Variants in MINDY3 observed in about 807,000 individuals in gnomAD.
MINDY3 encodes the protein ubiquitin carboxyl-terminal hydrolase MINDY-3.
A neutral mutation model predicts 69.2 loss-of-function variants in MINDY3; 38 were observed. That is an observed-to-expected ratio of 0.55 (90% confidence interval 0.42 to 0.72). The LOEUF (loss-of-function observed/expected upper bound fraction) is 0.72. Among genes scored for constraint, MINDY3 ranks in the 30% least tolerant of loss-of-function variants. MINDY3 has a pLI of 0.00. For missense variants in MINDY3, 522 were observed against 519.0 expected (o/e 1.01, Z -0.06); for synonymous variants, 192 against 180.1 (o/e 1.07, Z -0.53).
rs1445301117 is a variant in MINDY3 at position 15,848,665 on chromosome 10, AAG to A, written c.95-724_95-723del. The stretch of plus-strand genomic sequence containing the variant: ...AAAAAAAAAAAAAAAAAAAAAAAGA[AAG>A]AAAAATTAAATGGCATTGTAGACAG... On this transcript the variant is annotated intron_variant, in intron 1 of 14. Transcript: ENST00000277632. Among the ~76,000 whole-genome samples, 1,097 of 139,450 alleles carry A rather than the reference AAG, an allele frequency of 7.9e-3. 152 individuals carry two copies. Among genetic ancestry groups the A allele is most frequent in the African/African-American group, 0.029 (943 of 32,910 alleles). 91.5% of individuals were successfully genotyped at this position (139,450 alleles called of 152,430 possible).
At chr10:15,794,024 C>A (rs759901673) in intron 11 of MINDY3, among the ~76,000 whole-genome samples, 5 of 152,070 alleles carry the variant, frequency 3.3e-5, no homozygotes, top group Admixed American at 6.6e-5. Flanking sequence ...GTGTTAACAG[C>A]GTGACTGCAA....
chr10:15,810,570 C>T (rs987400706), intron 10 of MINDY3, among the ~76,000 whole-genome samples: 5 of 152,104 alleles, frequency 3.3e-5, no homozygotes, highest in African/African-American at 9.7e-5. Flanking sequence ...GCACACCTCC[C>T]GACCCCCAAC....
At chr10:15,856,303 T>C (rs1049534134) in intron 1 of MINDY3, among the ~76,000 whole-genome samples, 2 of 151,986 alleles carry the variant, frequency 1.3e-5, no homozygotes, top group Admixed American at 1.3e-4. Context: ...TTTCCTAAGT[T>C]ATTTGTTAAA....
At chr10:15,852,154 T>C (rs1834346700) in intron 1 of MINDY3, among the ~76,000 whole-genome samples, 2 of 152,176 alleles carry the variant, frequency 1.3e-5, no homozygotes, top group Admixed American at 6.5e-5. Context: ...GTAGTTATTG[T>C]TTGTTTACTT....
intron 10 of MINDY3, among the ~76,000 whole-genome samples, chr10:15,798,557 A>C (rs1256394856): frequency 6.6e-6 from 1 of 151,726 alleles, no homozygotes; most frequent in Non-Finnish European, 1.5e-5. Flanking sequence ...GTGGGCAGAT[A>C]ACGAGGTCAG....
intron 10 of MINDY3, among the ~76,000 whole-genome samples, chr10:15,809,001 A>G (rs1424334955): frequency 2.6e-5 from 4 of 152,220 alleles, no homozygotes; most frequent in Admixed American, 2.6e-4. Flanking sequence ...CATTTTATAC[A>G]TTCTAAATTC....
At chr10:15,844,744 C>A (rs1230939407) in intron 2 of MINDY3, among the ~76,000 whole-genome samples, 1 of 152,172 alleles carries the variant, frequency 6.6e-6, no homozygotes, top group Non-Finnish European at 1.5e-5. Context: ...TTCCTACCCA[C>A]AAATTTGTAC....
chr10:15,835,090 G>C (rs927747230), intron 6 of MINDY3, among the ~76,000 whole-genome samples: 5 of 151,944 alleles, frequency 3.3e-5, no homozygotes, highest in African/African-American at 1.2e-4. Context: ...TAAAATGGAA[G>C]GTTTACTTCT....
intron 10 of MINDY3, among the ~76,000 whole-genome samples, chr10:15,811,296 T>C (rs1245542456): frequency 6.6e-6 from 1 of 152,170 alleles, no homozygotes; most frequent in Admixed American, 6.6e-5. Flanking sequence ...TTAGCCAATA[T>C]ACTATACTAC....
At chr10:15,840,456 G>A (rs1459580166) in intron 4 of MINDY3, among the ~76,000 whole-genome samples, 1 of 151,630 alleles carries the variant, frequency 6.6e-6, no homozygotes, top group Admixed American at 6.6e-5. Flanking sequence ...GCAGAGGTAG[G>A]AGAAAAAAGA....
At chr10:15,833,752 G>A (rs374227414) in intron 7 of MINDY3, 43 bp from the exon 8 acceptor site, 44 of 1,250,178 alleles carry the variant, frequency 3.5e-5, no homozygotes, top group Non-Finnish European at 4.7e-5. Flanking sequence ...GAATATAGTT[G>A]CCAAATCAAA....
intron 8 of MINDY3, 149 bp from the exon 9 acceptor site, chr10:15,821,875 A>ATTTATTAGGAG: frequency 4.9e-6 from 3 of 613,392 alleles, no homozygotes; most frequent in Non-Finnish European, 8.4e-6. Context: ...CTTAGCATGT[A>ATTTATTAGGAG]ATCATTACAG....
intron 10 of MINDY3, among the ~76,000 whole-genome samples, chr10:15,809,309 A>T (rs887656070): frequency 1.3e-5 from 2 of 152,200 alleles, no homozygotes; most frequent in African/African-American, 4.8e-5. Context: ...CACAGCCTTC[A>T]TCTAATAAGA....
chr10:15,855,004 C>A (rs534583807), intron 1 of MINDY3, among the ~76,000 whole-genome samples: 1 of 152,102 alleles, frequency 6.6e-6, no homozygotes, highest in Non-Finnish European at 1.5e-5. Flanking sequence ...TTAAGATCTG[C>A]TAAACTTTTC....
intron 10 of MINDY3, among the ~76,000 whole-genome samples, chr10:15,815,239 A>G (rs570180966): frequency 1.3e-5 from 2 of 152,300 alleles, no homozygotes; most frequent in East Asian, 3.9e-4. Flanking sequence ...CTACTTCAGG[A>G]AGGAAATAAA....
At chr10:15,795,989 T>C in intron 11 of MINDY3, 111 bp downstream of exon 11, 1 of 848,906 alleles carries the variant, frequency 1.2e-6, no homozygotes, top group African/African-American at 1.7e-5. Flanking sequence ...GAAACACAAC[T>C]TACATTTCAT....
rs888727972 is a variant in MINDY3, at chr10:15,837,135, C to T, written c.576+69G>A. 3.9e-6 allele frequency: 3 copies of T among 774,766 alleles called. No individual in the cohort carries two copies. Among genetic ancestry groups the T allele is most frequent in the Non-Finnish European group, 6.3e-6 (3 of 475,972 alleles). The allele number at this position is 774,766 out of a possible 1,614,324, so 48.0% of individuals were successfully genotyped here. ...AAACACCATCAGGAATAAAATTACT[C>T]ATCACTGCAGGAAAAACAGCACTGA... On this transcript the variant is annotated intron_variant, in intron 6 of 14. Transcript: ENST00000277632.
intron 4 of MINDY3, among the ~76,000 whole-genome samples, chr10:15,840,949 T>C (rs1382214808): frequency 1.3e-5 from 2 of 151,572 alleles, no homozygotes; most frequent in Non-Finnish European, 1.5e-5. Flanking sequence ...AAATAATCTA[T>C]ATGTATAAAA....
intron 10 of MINDY3, among the ~76,000 whole-genome samples, chr10:15,809,567 C>T (rs1283376339): frequency 6.6e-6 from 1 of 152,094 alleles, no homozygotes; most frequent in African/African-American, 2.4e-5. Context: ...AGTTCTCCAT[C>T]GTACTTAATA....
Sources: gnomAD v4.1 joint callset for allele counts (sites outside exome capture counted in the v4.1 genomes callset) on GRCh38, gnomAD v4.1.1 for gene constraint, MANE v1.5 for transcripts, NCBI Gene and HGNC (gene_info 2026-07-23, HGNC 2026-07-21) for gene names.